The following SEMA4B variants were observed in gnomAD, a reference collection of about 807,000 sequenced individuals.
SEMA4B encodes the protein semaphorin-4B.
A neutral mutation model predicts 88.1 loss-of-function variants in SEMA4B; 55 were observed. The ratio of observed to expected loss-of-function variants is 0.62; its 90% CI spans 0.50 to 0.78. SEMA4B has a LOEUF of 0.78. SEMA4B is among the 30% of genes least tolerant of loss of function. The probability of loss-of-function intolerance (pLI) is 0.00; values close to 1 mark genes in which losing one functional copy is unlikely to be tolerated. For synonymous variants in SEMA4B, 525 were observed against 473.6 expected (o/e 1.11, Z -1.41); for missense variants, 1,062 against 1,111.9 (o/e 0.96, Z 0.64).
chr15:90,191,674 A>G (rs964459453), intron 1 of SEMA4B, among the ~76,000 whole-genome samples: 3 of 152,244 alleles, frequency 2.0e-5, no homozygotes, highest in African/African-American at 7.2e-5. Context: ...TTCCAGGAGC[A>G]AGAAAAACAA....
At chr15:90,207,283 G>A (rs556813265) in intron 1 of SEMA4B, among the ~76,000 whole-genome samples, 1 of 151,796 alleles carries the variant, frequency 6.6e-6, no homozygotes, top group Non-Finnish European at 1.5e-5. Context: ...GCTTCCGAGA[G>A]GTGGGGGGCC....
intron 4 of SEMA4B, 21 bp from the exon 5 acceptor site, chr15:90,220,961 C>T (rs769391720): frequency 9.1e-6 from 14 of 1,530,574 alleles, no homozygotes; most frequent in African/African-American, 2.7e-5. Context: ...CCCCTGAGCC[C>T]ATGTGTCCAC....
At chr15:90,227,461 A>G (rs1962227566) in intron 12 of SEMA4B, 96 bp from the exon 13 acceptor site, 2 of 1,053,636 alleles carry the variant, frequency 1.9e-6, no homozygotes, top group Admixed American at 2.2e-5. Flanking sequence ...CAGCTCAGGA[A>G]AGGCCCTTGC....
Position 90,229,161 on chromosome 15 carries a change from G to A in SEMA4B, c.*518G>A. On this transcript the variant is annotated 3_prime_UTR_variant, in exon 14 of 14. Transcript: ENST00000411539. ...GACCAGCTTGGGCTGCGTGCGTTCT[G>A]CCTTGCCAGTCAGCCGAGGATGTAG... 1 of 377,550 alleles carries A rather than the reference G, an allele frequency of 2.6e-6. No individual in the cohort carries two copies. Among genetic ancestry groups the A allele is most frequent in the South Asian group, 1.9e-5 (1 of 51,496 alleles). 23.4% of individuals were successfully genotyped at this position (377,550 alleles called of 1,614,324 possible). A position where few individuals can be genotyped will look rare whatever the true frequency, so the allele number is the denominator to read the frequency against.
chr15:90,185,838 A>G (rs1039370352), intron 1 of SEMA4B, among the ~76,000 whole-genome samples: 7 of 151,948 alleles, frequency 4.6e-5, no homozygotes, highest in Admixed American at 3.3e-4. Flanking sequence ...AACTGAAGCC[A>G]GAGAGATTAA....
At chr15:90,207,869 C>T (rs1040824818) in intron 1 of SEMA4B, among the ~76,000 whole-genome samples, 2 of 152,188 alleles carry the variant, frequency 1.3e-5, no homozygotes, top group Non-Finnish European at 2.9e-5. Flanking sequence ...GACTGAGGCA[C>T]ACATCTCAGA....
At chr15:90,219,734 G>T in intron 3 of SEMA4B, 59 bp from the exon 4 acceptor site, 11 of 1,376,630 alleles carry the variant, frequency 8.0e-6, no homozygotes, top group Non-Finnish European at 1.1e-5. Flanking sequence ...GGGCTCGGCG[G>T]TGCCCCCTGG....
Position 90,229,334 on chromosome 15 carries a change from G to A in SEMA4B, c.*691G>A, listed in dbSNP as rs978654991. ...ACACGAGAGGACAGCGCGAGCTCAG[G>A]AGAGATTTCGTGACAATGTACGCCT... is the stretch of plus-strand genomic sequence containing the variant. On this transcript the variant is annotated 3_prime_UTR_variant, in exon 14 of 14. Coordinates refer to ENST00000411539, the MANE Select transcript of SEMA4B (RefSeq NM_198925.4). The A allele has an allele frequency of 4.4e-6, 2 of 456,774 alleles. No individual in the cohort carries two copies. The highest frequency in any genetic ancestry group is 4.0e-5 in the African/African-American group (2 of 50,062). The allele number at this position is 456,774 out of a possible 1,614,324, so 28.3% of individuals were successfully genotyped here.
Position 90,201,670 on chromosome 15 carries a change from T to TGCTGCTCCTGCTGCA in SEMA4B, c.95_109dup (p.Leu32_Gln36dup). ...CCACCGCTGCTGCTGCTCCTGCTGC[T>TGCTGCTCCTGCTGCA]GCTGCTCCTGCTGCAGCCGCCGCCT... On this transcript the variant is annotated inframe_insertion, in exon 1 of 14. Transcript: ENST00000411539. 6.6e-7 allele frequency: 1 copy of TGCTGCTCCTGCTGCA among 1,515,088 alleles called. No homozygotes were observed. The highest frequency in any genetic ancestry group is 8.8e-7 in the Non-Finnish European group (1 of 1,138,718). 93.9% of individuals were successfully genotyped at this position (1,515,088 alleles called of 1,614,324 possible).
chr15:90,201,662 C>G lies in SEMA4B; in HGVS notation c.84C>G (p.Leu28=). ...ALPPRPPLLL[L]LLLLLLLQPP... ...CGCCTCGGCCACCGCTGCTGCTGCTCCTGCTGCTGCTGCTCCTGCTGCAGC... is the reference window on the plus strand; with the variant it reads ...CGCCTCGGCCACCGCTGCTGCTGCTGCTGCTGCTGCTGCTCCTGCTGCAGC... The change falls in exon 1 of 14, where the codon CTC becomes CTG. Residue 28 remains leucine, a synonymous_variant. Transcript: ENST00000411539. 6.6e-7 allele frequency: 1 copy of G among 1,516,768 alleles called. No individual in the cohort carries two copies. Among genetic ancestry groups the G allele is most frequent in the Non-Finnish European group, 8.8e-7 (1 of 1,139,764 alleles). 94.0% of individuals were successfully genotyped at this position (1,516,768 alleles called of 1,614,324 possible). A position where few individuals can be genotyped will look rare whatever the true frequency, so the allele number is the denominator to read the frequency against.
In SEMA4B at chr15:90,227,982, C is replaced by T. The variant is rs1056110771; in HGVS notation, c.1853C>T (p.Ala618Val). Residue 618 changes from alanine (A) to valine (V), a missense_variant, in exon 14 of 14, where the codon GCG becomes GTG. Ala to Val is a moderately conservative substitution (Grantham distance 64). Coordinates refer to ENST00000411539, the MANE Select transcript of SEMA4B (RefSeq NM_198925.4). ...GCCTGCCCGCTCCTCTCCAACCTGG[C>T]GACCCGACTCTGGCTACGCAACGGG... ...TLACPLLSNL[A>V]TRLWLRNGAP... The T allele has an allele frequency of 8.1e-6, 13 of 1,613,678 alleles. No homozygotes were observed. Among genetic ancestry groups the T allele is most frequent in the Admixed American group, 5.0e-5 (3 of 59,986 alleles).
intron 1 of SEMA4B, among the ~76,000 whole-genome samples, chr15:90,204,745 G>A (rs11073911): frequency 0.12 from 17,736 of 151,954 alleles, 1,967 homozygotes; most frequent in East Asian, 0.58. Flanking sequence ...AAGTCTTTTT[G>A]GGCCACCTTA....
intron 7 of SEMA4B, among the ~76,000 whole-genome samples, 161 bp from the exon 8 acceptor site, chr15:90,223,398 C>T (rs953207365): frequency 1.3e-5 from 2 of 152,308 alleles, no homozygotes; most frequent in Admixed American, 6.5e-5. Flanking sequence ...CTGATGGATG[C>T]GTACACTGCT....
In SEMA4B at chr15:90,228,807, G is replaced by T; in HGVS notation, c.*164G>T. The stretch of plus-strand genomic sequence containing the variant: ...GCCTGCTGCTCTCCAGTCAAGTAGC[G>T]AAGCTCCTACCACCCAGACACCCAA... On this transcript the variant is annotated 3_prime_UTR_variant, in exon 14 of 14. Coordinates refer to ENST00000411539, the MANE Select transcript of SEMA4B (RefSeq NM_198925.4). The T allele has an allele frequency of 2.1e-5, 19 of 925,756 alleles. No homozygotes were observed. The highest frequency in any genetic ancestry group is 2.8e-5 in the Non-Finnish European group (18 of 633,018). The allele number at this position is 925,756 out of a possible 1,614,324, so 57.3% of individuals were successfully genotyped here. A position where few individuals can be genotyped will look rare whatever the true frequency, so the allele number is the denominator to read the frequency against.
chr15:90,210,362 T>C (rs1251986309), intron 1 of SEMA4B, among the ~76,000 whole-genome samples: 1 of 152,072 alleles, frequency 6.6e-6, no homozygotes, highest in African/African-American at 2.4e-5. Context: ...ATCCGCGTCA[T>C]TGAAGTGATG....
chr15:90,215,378 AT>A (rs139467595), intron 1 of SEMA4B, among the ~76,000 whole-genome samples: 1 of 151,954 alleles, frequency 6.6e-6, no homozygotes, highest in Admixed American at 6.6e-5. Context: ...ATCCTTCTGG[AT>A]TTTTTTCCTA....
rs199725345 is a variant in SEMA4B, at chr15:90,228,662, C to A, written c.*19C>A. 6.2e-7 allele frequency: 1 copy of A among 1,612,676 alleles called. No individual in the cohort carries two copies. The highest frequency in any genetic ancestry group is 1.3e-5 in the African/African-American group (1 of 75,058). On this transcript the variant is annotated 3_prime_UTR_variant, in exon 14 of 14. Transcript: ENST00000411539. ...GGTGTGAGAGCTGACTTCCAGAGGA[C>A]GCTGCCCTGGCTTCAGGGGCTGTGA...
chr15:90,214,349 G>A (rs1183280291), intron 1 of SEMA4B, among the ~76,000 whole-genome samples: 7 of 140,746 alleles, frequency 5.0e-5, no homozygotes, highest in African/African-American at 1.9e-4. Context: ...AAAAAAAAGG[G>A]CTGAGCTGCT....
chr15:90,184,937 G>T, upstream of SEMA4B: 12 of 986,062 alleles, frequency 1.2e-5, no homozygotes, highest in Non-Finnish European at 1.4e-5. Context: ...GGGACGCCGC[G>T]CCGGACTGAG....
Sources: allele counts gnomAD v4.1 joint callset (sites outside exome capture counted in the v4.1 genomes callset), GRCh38; gene constraint gnomAD v4.1.1; transcripts MANE v1.5; gene names NCBI Gene and HGNC (gene_info 2026-07-23, HGNC 2026-07-21).